PTPRN2: variants seen among roughly 807,000 people sequenced by gnomAD.
PTPRN2 encodes the protein receptor-type tyrosine-protein phosphatase N2.
Under a neutral mutation model 118.8 loss-of-function variants are expected in PTPRN2, and 74 were observed. The ratio of observed to expected loss-of-function variants is 0.62; its 90% CI spans 0.52 to 0.76. The LOEUF (loss-of-function observed/expected upper bound fraction) is 0.76. Ranked by LOEUF, PTPRN2 falls within the 30% of genes least tolerant of loss-of-function variation. The pLI, the probability that PTPRN2 is intolerant of heterozygous loss-of-function variation, is 0.00. For synonymous variants in PTPRN2, 641 were observed against 608.0 expected (o/e 1.05, Z -0.80); for missense variants, 1,481 against 1,394.4 (o/e 1.06, Z -0.99).
chr7:158,486,021 A>T (rs1820990022), intron 2 of PTPRN2, among the ~76,000 whole-genome samples: 1 of 152,222 alleles, frequency 6.6e-6, no homozygotes, highest in Non-Finnish European at 1.5e-5. Context: ...TTAAAGAAGC[A>T]TTCTCCTTTG....
In PTPRN2 at chr7:157,674,316, C is replaced by A. The variant is rs1395091948; in HGVS notation, c.2001+8409G>T. Among the ~76,000 whole-genome samples, 1 of 152,168 alleles carries A rather than the reference C, an allele frequency of 6.6e-6. No homozygotes were observed. On this transcript the variant is annotated intron_variant, in intron 13 of 22. Coordinates refer to ENST00000389418, the MANE Select transcript of PTPRN2 (RefSeq NM_002847.5). The surrounding 1 kb of genome is among the most constrained non-coding windows in gnomAD (Gnocchi z 4.5). ...TCCCCAGGAGGCGAGGGTGGGGGGA[C>A]TCCTGCTGGAGGCGGCCGGCAGATC...
At chr7:158,516,010 C>T (rs971833226) in intron 1 of PTPRN2, among the ~76,000 whole-genome samples, 2 of 152,196 alleles carry the variant, frequency 1.3e-5, no homozygotes, top group East Asian at 1.9e-4. Context: ...TCCCCCTCCC[C>T]ACCTACCATG....
intron 1 of PTPRN2, among the ~76,000 whole-genome samples, chr7:158,530,740 G>A (rs1414089046): frequency 4.6e-5 from 7 of 152,176 alleles, no homozygotes; most frequent in African/African-American, 1.7e-4. Flanking sequence ...ACAAAGAGCT[G>A]GTGGCAAAGG....
At chr7:157,961,223 C>A (rs1313823005) in intron 11 of PTPRN2, among the ~76,000 whole-genome samples, 6 of 152,042 alleles carry the variant, frequency 3.9e-5, no homozygotes, top group Non-Finnish European at 8.8e-5. Context: ...CAATGGCACA[C>A]AATATAGATA....
intron 12 of PTPRN2, among the ~76,000 whole-genome samples, chr7:157,855,694 C>G (rs1335639452): frequency 6.6e-6 from 1 of 152,078 alleles, no homozygotes; most frequent in African/African-American, 2.4e-5. Flanking sequence ...GTGGCTGAGC[C>G]GAGGGAGAGC....
intron 21 of PTPRN2, among the ~76,000 whole-genome samples, chr7:157,567,420 T>C (rs1477430845): frequency 6.6e-6 from 1 of 152,054 alleles, no homozygotes; most frequent in Non-Finnish European, 1.5e-5. Context: ...AGGTGTGGGG[T>C]GTGGGGCTGG....
intron 19 of PTPRN2, 133 bp downstream of exon 19, chr7:157,576,480 C>T: frequency 3.1e-6 from 3 of 959,766 alleles, no homozygotes; most frequent in East Asian, 5.6e-5. Flanking sequence ...TCTCGCTTCC[C>T]TTCCCCTCCC....
chr7:157,983,768 C>T (rs978421438), intron 11 of PTPRN2, among the ~76,000 whole-genome samples: 33 of 152,218 alleles, frequency 2.2e-4, no homozygotes, highest in African/African-American at 8.0e-4. Flanking sequence ...TGGCTGCTGG[C>T]CCAGGGAGGA....
At chr7:158,514,858 C>T (rs1349289578) in intron 1 of PTPRN2, among the ~76,000 whole-genome samples, 4 of 152,168 alleles carry the variant, frequency 2.6e-5, no homozygotes, top group Middle Eastern at 3.2e-3. Context: ...TGTCACCATC[C>T]GCCTGCCTCA....
chr7:158,495,409 A>C (rs1437297956), intron 1 of PTPRN2, among the ~76,000 whole-genome samples: 2 of 152,134 alleles, frequency 1.3e-5, no homozygotes, highest in Non-Finnish European at 2.9e-5. Context: ...TGCAGCAAAC[A>C]CAAAGCCATG....
At chr7:158,056,409 G>A (rs529991407) in intron 11 of PTPRN2, among the ~76,000 whole-genome samples, 4 of 152,346 alleles carry the variant, frequency 2.6e-5, no homozygotes, top group African/African-American at 7.2e-5. Context: ...TGCTCTCTCC[G>A]TCCTCCCATG....
chr7:157,877,082 G>A (rs1040099762), intron 12 of PTPRN2, among the ~76,000 whole-genome samples: 2 of 151,184 alleles, frequency 1.3e-5, no homozygotes, highest in African/African-American at 2.4e-5. Context: ...CGGGGACCCC[G>A]GGTGCAAGTG....
chr7:158,142,792 T>G (rs767044056), intron 6 of PTPRN2, among the ~76,000 whole-genome samples: 2 of 152,246 alleles, frequency 1.3e-5, no homozygotes, highest in Non-Finnish European at 2.9e-5. Context: ...CCGCTACTCC[T>G]GTCTGCAGGT....
chr7:157,874,450 A>T lies in PTPRN2; in HGVS notation c.1788+24223T>A, dbSNP rs78152877. Among the ~76,000 whole-genome samples, 1 of 152,088 alleles carries T rather than the reference A, an allele frequency of 6.6e-6. No individual in the cohort carries two copies. Among genetic ancestry groups the T allele is most frequent in the Non-Finnish European group, 1.5e-5 (1 of 68,012 alleles). Reference sequence around the variant, plus strand: ...CGATCCTGCCTCTGCTTCTGTCCACATGGCCCCAGCCACAGTGCCTTCCTG... The same window carrying T: ...CGATCCTGCCTCTGCTTCTGTCCACTTGGCCCCAGCCACAGTGCCTTCCTG... On this transcript the variant is annotated intron_variant, in intron 12 of 22. Coordinates refer to ENST00000389418, the MANE Select transcript of PTPRN2 (RefSeq NM_002847.5). This position sits in a 1 kb window ranked among gnomAD's most constrained non-coding sequence, Gnocchi z 5.8.
intron 1 of PTPRN2, among the ~76,000 whole-genome samples, chr7:158,494,194 A>C (rs972081985): frequency 6.6e-6 from 1 of 152,202 alleles, no homozygotes; most frequent in Non-Finnish European, 1.5e-5. Context: ...GGCTGGGAGG[A>C]AGCTCGGCAC....
intron 12 of PTPRN2, among the ~76,000 whole-genome samples, chr7:157,775,146 C>CCGT (rs541163311): frequency 1.3e-4 from 20 of 152,326 alleles, no homozygotes; most frequent in Admixed American, 3.3e-4. Context: ...ACGCCTCACT[C>CCGT]CGTCACGGCA....
rs1824768333 is a variant in PTPRN2 at position 158,526,163 on chromosome 7, G to A, written c.113-36378C>T. Among the ~76,000 whole-genome samples the A allele has an allele frequency of 6.6e-6, 1 of 152,148 alleles. No homozygotes were observed. The highest frequency in any genetic ancestry group is 6.5e-5 in the Admixed American group (1 of 15,282). ...CCCGCTCTGGGGGGAGCCACATCAG[G>A]CAGACACACGGCTCCTGGTGTTGGC... On this transcript the variant is annotated intron_variant, in intron 1 of 22. Transcript: ENST00000389418. The surrounding 1 kb of genome is among the most constrained non-coding windows in gnomAD (Gnocchi z 5.2).
intron 2 of PTPRN2, among the ~76,000 whole-genome samples, chr7:158,365,802 A>G (rs528434809): frequency 8.2e-6 from 1 of 121,744 alleles, no homozygotes; most frequent in East Asian, 2.8e-4. Flanking sequence ...CACACACAGC[A>G]TCCCTGGGAG....
chr7:158,306,409 T>C (rs979918810), intron 3 of PTPRN2, among the ~76,000 whole-genome samples: 3 of 152,150 alleles, frequency 2.0e-5, no homozygotes, highest in African/African-American at 7.2e-5. Context: ...CAGCATGAAG[T>C]GAAGGCTACA....
Sources: gnomAD v4.1 joint callset for allele counts (sites outside exome capture counted in the v4.1 genomes callset) on GRCh38, gnomAD v4.1.1 for gene constraint, Gnocchi (gnomAD v3.1) non-coding constraint, MANE v1.5 for transcripts, NCBI Gene and HGNC (gene_info 2026-07-23, HGNC 2026-07-21) for gene names.